The following TRABD2B variants were observed in gnomAD, a reference collection of about 807,000 sequenced individuals.
TRABD2B encodes TraB domain containing 2B.
A neutral mutation model predicts 40.1 loss-of-function variants in TRABD2B; 14 were observed. That is an observed-to-expected ratio of 0.35 (90% CI 0.23 to 0.55). The LOEUF (loss-of-function observed/expected upper bound fraction) is 0.55, where lower values mean the gene tolerates loss of function less well. Among genes scored for constraint, TRABD2B ranks in the 20% least tolerant of loss-of-function variants. TRABD2B has a pLI of 0.90. For synonymous variants in TRABD2B, 263 were observed against 277.0 expected, an observed-to-expected ratio of 0.95 and a Z score of 0.50; for missense variants, 541 against 648.6, an observed-to-expected ratio of 0.83 and a Z score of 1.80.
intron 2 of TRABD2B, among the ~76,000 whole-genome samples, chr1:47,992,895 G>A (rs1646032385): frequency 6.6e-6 from 1 of 152,216 alleles, no homozygotes; most frequent in African/African-American, 2.4e-5. Flanking sequence ...CTTTCATTTG[G>A]CCGGCAAATC....
rs148150076 is a variant in TRABD2B, at chr1:47,774,601, G to A, written c.1349+569C>T. Among the ~76,000 whole-genome samples, 413 of 152,270 alleles carry A rather than the reference G, an allele frequency of 2.7e-3. 3 individuals are homozygous for A. Among genetic ancestry groups the A allele is most frequent in the Non-Finnish European group, 2.6e-3 (179 of 68,018 alleles). On this transcript the variant is annotated intron_variant, in intron 6 of 6. Transcript: ENST00000606738. ...ATAGGAAGAGGACAGAAGGGTCTCCGTGCATTAGGATGATTTCTCCTATCT... is the reference window on the plus strand; with the variant it reads ...ATAGGAAGAGGACAGAAGGGTCTCCATGCATTAGGATGATTTCTCCTATCT...
intron 2 of TRABD2B, among the ~76,000 whole-genome samples, chr1:47,984,690 G>C (rs303913): frequency 0.93 from 142,220 of 152,148 alleles, 66,565 homozygotes; most frequent in East Asian, 1. Flanking sequence ...TACTCCCTAG[G>C]CTTTACCTGG....
At chr1:47,949,040 A>G (rs1570348403) in intron 2 of TRABD2B, among the ~76,000 whole-genome samples, 3 of 152,330 alleles carry the variant, frequency 2.0e-5, no homozygotes, top group South Asian at 2.1e-4. Flanking sequence ...GACTAACATA[A>G]GGGCACACGG....
chr1:47,800,313 G>A (rs746013846), intron 3 of TRABD2B, among the ~76,000 whole-genome samples: 17 of 152,246 alleles, frequency 1.1e-4, no homozygotes, highest in Non-Finnish European at 2.4e-4. Context: ...TCAGGTGGTT[G>A]GGGCCAGCCT....
Position 47,948,573 on chromosome 1 carries a change from C to T in TRABD2B, c.666+45461G>A, listed in dbSNP as rs148285199. ...TTCCAACCCTTTAGGTTTAAAAAAT[C>T]AGACCATATTTTCATTTTCAAGAGA... On this transcript the variant is annotated intron_variant, in intron 2 of 6. Coordinates refer to ENST00000606738, the MANE Select transcript of TRABD2B (RefSeq NM_001194986.2). 3.3e-5 allele frequency among the ~76,000 whole-genome samples: 5 copies of T among 152,260 alleles called. No homozygotes were observed. In the East Asian group the frequency reaches 9.6e-4, roughly 29 times the overall value.
At chr1:47,840,524 C>T (rs1439929204) in intron 2 of TRABD2B, among the ~76,000 whole-genome samples, 1 of 152,230 alleles carries the variant, frequency 6.6e-6, no homozygotes, top group East Asian at 1.9e-4. Flanking sequence ...CTTTAGAGCA[C>T]TCATGTTGGC....
At chr1:47,907,188 C>T (rs555824270) in intron 2 of TRABD2B, among the ~76,000 whole-genome samples, 1 of 152,350 alleles carries the variant, frequency 6.6e-6, no homozygotes, top group African/African-American at 2.4e-5. Context: ...GCTGCCTTCA[C>T]AAATACACTT....
At chr1:47,945,612 T>C (rs147244527) in intron 2 of TRABD2B, among the ~76,000 whole-genome samples, 7 of 152,284 alleles carry the variant, frequency 4.6e-5, no homozygotes, top group Non-Finnish European at 8.8e-5. Context: ...CAATCACTGA[T>C]GTTTTCTGTC....
chr1:47,888,086 G>C (rs887578333), intron 2 of TRABD2B, among the ~76,000 whole-genome samples: 1 of 152,164 alleles, frequency 6.6e-6, no homozygotes, highest in African/African-American at 2.4e-5. Context: ...TGCATGGTTC[G>C]TGATGAATTG....
chr1:47,972,053 CAACT>C (rs1645689146), intron 2 of TRABD2B, among the ~76,000 whole-genome samples: 1 of 152,126 alleles, frequency 6.6e-6, no homozygotes, highest in Non-Finnish European at 1.5e-5. Context: ...GCCAAGCATG[CAACT>C]AACTGAGACT....
Position 47,764,643 on chromosome 1 carries a change from A to C in TRABD2B, c.*1259T>G, listed in dbSNP as rs1184979129. 6.6e-6 allele frequency: 1 copy of C among 152,182 alleles called. No individual in the cohort carries two copies. The highest frequency in any genetic ancestry group is 1.5e-5 in the Non-Finnish European group (1 of 68,038). The allele number at this position is 152,182 out of a possible 1,614,324, so 9.4% of individuals were successfully genotyped here. A position where few individuals can be genotyped will look rare whatever the true frequency, so the allele number is the denominator to read the frequency against. ...GCAGTTGCCAGAGCCCTTTGGCCAG[A>C]GGGGTCAACATAAGCAGCCGGCCAA... On this transcript the variant is annotated 3_prime_UTR_variant, in exon 7 of 7. Coordinates refer to ENST00000606738, the MANE Select transcript of TRABD2B (RefSeq NM_001194986.2).
chr1:47,932,193 C>T (rs1288039620), intron 2 of TRABD2B, among the ~76,000 whole-genome samples: 2 of 152,156 alleles, frequency 1.3e-5, no homozygotes, highest in South Asian at 2.1e-4. Flanking sequence ...ATTTTAAGAC[C>T]TCTACATGAT....
At chr1:47,766,474 C>T (rs954279964) in intron 6 of TRABD2B, among the ~76,000 whole-genome samples, 98 of 152,290 alleles carry the variant, frequency 6.4e-4, no homozygotes, top group African/African-American at 2.3e-3. Context: ...TACACAGGTG[C>T]CCTGCCTGCT....
chr1:47,970,623 C>CA (rs757479264), intron 2 of TRABD2B, among the ~76,000 whole-genome samples: 1 of 152,188 alleles, frequency 6.6e-6, no homozygotes, highest in Non-Finnish European at 1.5e-5. Flanking sequence ...TGGCTTAAAG[C>CA]AATAATCATT....
At chr1:47,814,420 C>T (rs1645003428) in intron 2 of TRABD2B, among the ~76,000 whole-genome samples, 1 of 152,214 alleles carries the variant, frequency 6.6e-6, no homozygotes, top group Non-Finnish European at 1.5e-5. Context: ...TAGCAGGAGA[C>T]ATTCTTGGCT....
chr1:47,834,399 T>A (rs1645290384), intron 2 of TRABD2B, among the ~76,000 whole-genome samples: 1 of 152,192 alleles, frequency 6.6e-6, no homozygotes, highest in Non-Finnish European at 1.5e-5. Flanking sequence ...GAAGGCTGCA[T>A]GCAAGCATAG....
chr1:47,783,710 TC>T (rs1203265308), intron 4 of TRABD2B, among the ~76,000 whole-genome samples: 7 of 152,160 alleles, frequency 4.6e-5, no homozygotes, highest in Non-Finnish European at 8.8e-5. Context: ...ACTCCCTTTC[TC>T]CTAAGCGCAA....
chr1:47,934,361 C>T (rs955999311), intron 2 of TRABD2B, among the ~76,000 whole-genome samples: 1 of 152,214 alleles, frequency 6.6e-6, no homozygotes, highest in Admixed American at 6.5e-5. Context: ...TCCCTGCAGG[C>T]ACACAGGTCA....
At chr1:47,972,939 A>G (rs966446379) in intron 2 of TRABD2B, among the ~76,000 whole-genome samples, 1 of 150,998 alleles carries the variant, frequency 6.6e-6, no homozygotes, top group Non-Finnish European at 1.5e-5. Flanking sequence ...TGGGGACTGT[A>G]CGTGCATGGT....
Sources: allele counts gnomAD v4.1 joint callset (sites outside exome capture counted in the v4.1 genomes callset), GRCh38; gene constraint gnomAD v4.1.1; transcripts MANE v1.5; gene names NCBI Gene and HGNC (gene_info 2026-07-23, HGNC 2026-07-21).